The following ADGRB3 variants were observed in gnomAD, a reference collection of about 807,000 sequenced individuals.
ADGRB3 encodes brain-specific angiogenesis inhibitor 3.
Under a neutral mutation model 193.4 loss-of-function variants are expected in ADGRB3, and 37 were observed. The ratio of observed to expected loss-of-function variants is 0.19; its 90% CI spans 0.15 to 0.25. The LOEUF (loss-of-function observed/expected upper bound fraction) is 0.25, where lower values mean the gene tolerates loss of function less well. Among genes scored for constraint, ADGRB3 ranks in the 10% least tolerant of loss-of-function variants. The pLI is 1.00. For missense variants in ADGRB3, 1,637 were observed against 1,852.9 expected, an observed-to-expected ratio of 0.88 and a Z score of 2.14; for synonymous variants, 690 against 644.2, an observed-to-expected ratio of 1.07 and a Z score of -1.08.
intron 3 of ADGRB3, among the ~76,000 whole-genome samples, chr6:68,725,700 G>A (rs1458808542): frequency 1.3e-5 from 2 of 151,580 alleles, no homozygotes; most frequent in African/African-American, 4.8e-5. Flanking sequence ...TCTCAGGAGA[G>A]AGGTTAGAGT....
intron 6 of ADGRB3, among the ~76,000 whole-genome samples, chr6:68,945,010 T>C (rs965547124): frequency 3.3e-5 from 5 of 152,150 alleles, no homozygotes; most frequent in Admixed American, 2.6e-4. Flanking sequence ...TCAGTCCCAC[T>C]GACCGTTTAA....
chr6:69,313,113 T>A (rs898066793), intron 20 of ADGRB3, among the ~76,000 whole-genome samples: 1 of 151,882 alleles, frequency 6.6e-6, no homozygotes, highest in Non-Finnish European at 1.5e-5. Context: ...AGTCCATGAC[T>A]GTCTGAATTG....
chr6:69,355,097 A>T (rs1282995380), intron 27 of ADGRB3, among the ~76,000 whole-genome samples: 1 of 152,176 alleles, frequency 6.6e-6, no homozygotes, highest in African/African-American at 2.4e-5. Flanking sequence ...CTAAAAACAA[A>T]TAGATAGCCA....
At position 69,198,939 on chromosome 6, in the gene ADGRB3, A is replaced by AGCTC. The variant is rs545330246; in HGVS notation, c.2481-34350_2481-34347dup. On this transcript the variant is annotated intron_variant, in intron 17 of 31. Transcript: ENST00000370598. Reference sequence around the variant, plus strand: ...AAATCTGACCATTTAATATGAATCAAGCTCAAGTGCCAGGCTCGTTGGAGC... The same window carrying AGCTC: ...AAATCTGACCATTTAATATGAATCAAGCTCGCTCAAGTGCCAGGCTCGTTGGAGC... Among the ~76,000 whole-genome samples the AGCTC allele has an allele frequency of 3.9e-5, 6 of 152,256 alleles. No individual in the cohort carries two copies. The South Asian group carries it at 1.2e-3, about 32-fold the overall frequency.
At chr6:68,946,303 T>C (rs182431580) in intron 6 of ADGRB3, among the ~76,000 whole-genome samples, 1 of 152,132 alleles carries the variant, frequency 6.6e-6, no homozygotes, top group Non-Finnish European at 1.5e-5. Context: ...CATCATCTTA[T>C]AGCTGAACTC....
intron 17 of ADGRB3, among the ~76,000 whole-genome samples, chr6:69,183,673 AT>A (rs751339022): frequency 1.2e-4 from 19 of 152,232 alleles, no homozygotes; most frequent in Non-Finnish European, 2.4e-4. Flanking sequence ...TATGTAAAAA[AT>A]AAAAGTAAAT....
At chr6:69,167,159 GT>G (rs1775151779) in intron 17 of ADGRB3, among the ~76,000 whole-genome samples, 1 of 152,104 alleles carries the variant, frequency 6.6e-6, no homozygotes, top group South Asian at 2.1e-4. Context: ...CAGGGTAGAA[GT>G]ATGTATGCTT....
intron 20 of ADGRB3, among the ~76,000 whole-genome samples, chr6:69,272,384 T>C (rs544595874): frequency 2.6e-5 from 4 of 152,098 alleles, no homozygotes; most frequent in Non-Finnish European, 5.9e-5. Flanking sequence ...GAAATAATTC[T>C]GCACAACAAA....
chr6:68,905,404 G>T (rs1456193619), intron 3 of ADGRB3, among the ~76,000 whole-genome samples: 1 of 152,142 alleles, frequency 6.6e-6, no homozygotes, highest in Non-Finnish European at 1.5e-5. Flanking sequence ...TACTATATGA[G>T]ACATCTCTTT....
chr6:69,346,664 T>C (rs1399062934), intron 26 of ADGRB3, among the ~76,000 whole-genome samples: 1 of 152,204 alleles, frequency 6.6e-6, no homozygotes, highest in Non-Finnish European at 1.5e-5. Flanking sequence ...TACCGTCTCA[T>C]GCCAGTTAGA....
chr6:69,218,190 G>C (rs531122650), intron 17 of ADGRB3, among the ~76,000 whole-genome samples: 21 of 152,058 alleles, frequency 1.4e-4, no homozygotes, highest in African/African-American at 3.9e-4. Flanking sequence ...TGGTCTATAA[G>C]TATGTACAAT....
At chr6:69,031,106 CTTCTCT>C (rs1770665062) in intron 13 of ADGRB3, among the ~76,000 whole-genome samples, 2 of 72,452 alleles carry the variant, frequency 2.8e-5, no homozygotes, top group South Asian at 4.2e-4. Context: ...CTTCTCTTCT[CTTCTCT>C]TCTCTCTCTT....
intron 29 of ADGRB3, among the ~76,000 whole-genome samples, chr6:69,369,823 C>T (rs1468152280): frequency 2.0e-5 from 3 of 151,860 alleles, no homozygotes; most frequent in African/African-American, 4.8e-5. Flanking sequence ...TTTTACTCAA[C>T]ACAGATATTT....
intron 29 of ADGRB3, among the ~76,000 whole-genome samples, chr6:69,368,522 C>A (rs1326884879): frequency 6.6e-6 from 1 of 151,952 alleles, no homozygotes; most frequent in Non-Finnish European, 1.5e-5. Flanking sequence ...ATGGGAAAGG[C>A]AGGAGGAATA....
intron 3 of ADGRB3, among the ~76,000 whole-genome samples, chr6:68,653,166 C>T (rs1027838929): frequency 5.3e-5 from 8 of 152,126 alleles, no homozygotes; most frequent in Non-Finnish European, 7.4e-5. Context: ...AGGGGCTCCT[C>T]TCTCAGCTGA....
chr6:69,348,427 A>G (rs886266000), intron 26 of ADGRB3, among the ~76,000 whole-genome samples: 1 of 149,684 alleles, frequency 6.7e-6, no homozygotes, highest in Non-Finnish European at 1.5e-5. Context: ...CGGGTGGATC[A>G]CCTGAGATCA....
chr6:68,931,420 A>G (rs891660639), intron 4 of ADGRB3, among the ~76,000 whole-genome samples: 3 of 152,196 alleles, frequency 2.0e-5, no homozygotes, highest in South Asian at 2.1e-4. Flanking sequence ...TAAATGGTCT[A>G]ATTTCATCTG....
intron 15 of ADGRB3, among the ~76,000 whole-genome samples, chr6:69,049,831 C>T (rs1562137648): frequency 1.3e-5 from 2 of 152,104 alleles, no homozygotes; most frequent in African/African-American, 4.8e-5. Flanking sequence ...TTAAAAAATG[C>T]TGCTGTTTAT....
chr6:68,712,775 A>G (rs1765427023), intron 3 of ADGRB3, among the ~76,000 whole-genome samples: 1 of 151,876 alleles, frequency 6.6e-6, no homozygotes, highest in African/African-American at 2.4e-5. Context: ...TGTTGGGAAT[A>G]CTCACTGTTT....
Sources: allele counts gnomAD v4.1 joint callset (sites outside exome capture counted in the v4.1 genomes callset), GRCh38; gene constraint gnomAD v4.1.1; transcripts MANE v1.5; gene names NCBI Gene and HGNC (gene_info 2026-07-23, HGNC 2026-07-21).